Variants in HYDIN observed in about 807,000 individuals in gnomAD.
HYDIN encodes the protein HYDIN axonemal central pair apparatus protein.
In HYDIN, 132 loss-of-function variants were observed where a neutral mutation model predicts 403.9. The ratio of observed to expected loss-of-function variants is 0.33; its 90% confidence interval spans 0.28 to 0.38. HYDIN has a LOEUF of 0.38. Ranked by LOEUF, HYDIN falls within the 10% of genes least tolerant of loss-of-function variation. The pLI is 1.00. For missense variants in HYDIN, 2,827 were observed against 5,009.5 expected (o/e 0.56, Z 13.15); for synonymous variants, 1,202 against 1,891.7 (o/e 0.64, Z 9.46).
At position 70,863,094 on chromosome 16, in the gene HYDIN, C is replaced by G. The variant is rs1457706243; in HGVS notation, c.11560G>C (p.Asp3854His). ...TTGCCACTGAATTTACCTTGGTGAT[C>G]TGGTTTTGCAAAGCTGACTGCCTTT... ...TSKAVSFAKP[D>H]HQGSAQKDQL... The change falls in exon 68 of 86, where the codon GAT becomes CAT. Residue 3854 changes from aspartate to histidine, a missense_variant. Physicochemically the swap from Asp to His is moderately conservative, Grantham distance 81. Coordinates refer to ENST00000393567, the MANE Select transcript of HYDIN (RefSeq NM_001270974.2). 2 of 1,613,880 alleles carry G rather than the reference C, an allele frequency of 1.2e-6. No homozygotes were observed. The highest frequency in any genetic ancestry group is 2.7e-5 in the African/African-American group (2 of 74,930).
intron 23 of HYDIN, among the ~76,000 whole-genome samples, chr16:70,996,465 G>T (rs7205496): frequency 0.011 from 1,647 of 151,992 alleles, 21 homozygotes; most frequent in African/African-American, 0.038. Flanking sequence ...GGGTCAGAGG[G>T]CTTGGGTTTG....
At position 70,969,311 on chromosome 16, in the gene HYDIN, A is replaced by G. The variant is rs372602673; in HGVS notation, c.5619+1209T>C. Among the ~76,000 whole-genome samples, 8 of 152,058 alleles carry G rather than the reference A, an allele frequency of 5.3e-5. No homozygotes were observed. The South Asian group carries it at 1.5e-3, about 28-fold the overall frequency. Reference sequence around the variant, plus strand: ...CAGCAAATCCCAAAATCAATAAACCAAAGAAATTTATGCCAAGACACATTA... The same window carrying G: ...CAGCAAATCCCAAAATCAATAAACCGAAGAAATTTATGCCAAGACACATTA... On this transcript the variant is annotated intron_variant, in intron 36 of 85. Coordinates refer to ENST00000393567, the MANE Select transcript of HYDIN (RefSeq NM_001270974.2).
chr16:70,872,847 AC>A (rs2040221874), intron 64 of HYDIN, among the ~76,000 whole-genome samples: 2 of 150,692 alleles, frequency 1.3e-5, no homozygotes, highest in Admixed American at 1.3e-4. Flanking sequence ...TCCATCATCC[AC>A]CCACCCATCC....
intron 10 of HYDIN, among the ~76,000 whole-genome samples, chr16:71,104,311 T>C: frequency 6.7e-6 from 1 of 150,092 alleles, no homozygotes; most frequent in Non-Finnish European, 1.5e-5. Flanking sequence ...ATGTCCAAGT[T>C]AACTGATGCA....
chr16:71,022,499 GGTT>G (rs2080534700), intron 21 of HYDIN, among the ~76,000 whole-genome samples: 1 of 152,092 alleles, frequency 6.6e-6, no homozygotes, highest in African/African-American at 2.4e-5. Context: ...CTATAGACAG[GGTT>G]GTTACCATTA....
At chr16:70,886,535 A>T (rs556025132) in intron 58 of HYDIN, among the ~76,000 whole-genome samples, 1 of 152,266 alleles carries the variant, frequency 6.6e-6, no homozygotes, top group Non-Finnish European at 1.5e-5. Flanking sequence ...TTGATGTCCC[A>T]TGATTTTATC....
At chr16:71,016,137 A>G (rs1460683820) in intron 23 of HYDIN, among the ~76,000 whole-genome samples, 1 of 152,202 alleles carries the variant, frequency 6.6e-6, no homozygotes, top group Non-Finnish European at 1.5e-5. Flanking sequence ...TGACCACACC[A>G]AACTAAAAAG....
chr16:71,175,820 T>C (rs1398246669), intron 4 of HYDIN, 79 bp from the exon 5 acceptor site: 2 of 1,422,236 alleles, frequency 1.4e-6, no homozygotes, highest in Non-Finnish European at 2.0e-6. Context: ...CATCAACTAC[T>C]TACTAGACGT....
chr16:71,015,558 T>C (rs1415056566), intron 23 of HYDIN, among the ~76,000 whole-genome samples: 2 of 150,184 alleles, frequency 1.3e-5, no homozygotes, highest in East Asian at 3.9e-4. Flanking sequence ...ATCTACAGAA[T>C]TTCATTCCAA....
chr16:71,024,786 T>C (rs2080631618), intron 21 of HYDIN, among the ~76,000 whole-genome samples: 1 of 148,070 alleles, frequency 6.8e-6, no homozygotes. Flanking sequence ...ACATTTACTG[T>C]CTACCCTTAC....
chr16:71,067,040 C>T (rs1236193692), intron 15 of HYDIN: 21 of 642,018 alleles, frequency 3.3e-5, no homozygotes, highest in South Asian at 1.1e-4. Context: ...GGGTCTGACC[C>T]GTTTTTTCAC....
intron 75 of HYDIN, among the ~76,000 whole-genome samples, chr16:70,849,030 AG>A (rs1195024762): frequency 3.9e-5 from 6 of 151,990 alleles, no homozygotes; most frequent in African/African-American, 7.3e-5. Context: ...TATCCCTATG[AG>A]GGGGGGTTCC....
At chr16:71,120,644 T>C (rs1371392228) in intron 9 of HYDIN, among the ~76,000 whole-genome samples, 1 of 152,150 alleles carries the variant, frequency 6.6e-6, no homozygotes, top group Non-Finnish European at 1.5e-5. Flanking sequence ...CAAACATCTT[T>C]TTAAAAAATT....
At chr16:70,916,999 C>G (rs2076860751) in intron 47 of HYDIN, among the ~76,000 whole-genome samples, 1 of 152,152 alleles carries the variant, frequency 6.6e-6, no homozygotes, top group East Asian at 1.9e-4. Context: ...TCTCAACTCA[C>G]TATAACTCTG....
Position 70,829,473 on chromosome 16 carries a change from A to G in HYDIN, c.14112+145T>C. On this transcript the variant is annotated intron_variant, in intron 81 of 85. Coordinates refer to ENST00000393567, the MANE Select transcript of HYDIN (RefSeq NM_001270974.2). ...GGTCTTGAACTACTGACCTCAGGCGATCCACCCTCCTCAGCCTCCCAAAGT... is the reference window on the plus strand; with the variant it reads ...GGTCTTGAACTACTGACCTCAGGCGGTCCACCCTCCTCAGCCTCCCAAAGT... The G allele has an allele frequency of 6.0e-6, 4 of 669,426 alleles. No individual in the cohort carries two copies. The East Asian group carries it at 1.1e-4, about 18-fold the overall frequency. The allele number at this position is 669,426 out of a possible 1,614,324, so 41.5% of individuals were successfully genotyped here.
chr16:71,163,223 C>T (rs1167935496), intron 5 of HYDIN, among the ~76,000 whole-genome samples: 2 of 150,906 alleles, frequency 1.3e-5, no homozygotes, highest in Non-Finnish European at 3.0e-5. Context: ...CCCGGGTTCA[C>T]GCCATTCTCC....
At position 70,902,813 on chromosome 16, in the gene HYDIN, ATATATATATT is replaced by A. The variant is rs1407190514; in HGVS notation, c.8849+802_8849+811del. Among the ~76,000 whole-genome samples the A allele has an allele frequency of 8.8e-3, 258 of 29,308 alleles. 2 individuals are homozygous for A. The highest frequency in any genetic ancestry group is 0.021 in the Admixed American group (60 of 2,794). The allele number at this position is 29,308 out of a possible 152,430, so 19.2% of individuals were successfully genotyped here. ...TCTTTAAATATATATATATATATAT[ATATATATATT>A]TTTTTTTTTTTTTTTGTCCCACTCT... On this transcript the variant is annotated intron_variant, in intron 52 of 85. Transcript: ENST00000393567.
intron 30 of HYDIN, among the ~76,000 whole-genome samples, chr16:70,977,914 T>G (rs1216797921): frequency 6.6e-6 from 1 of 151,804 alleles, no homozygotes; most frequent in African/African-American, 2.4e-5. Flanking sequence ...AATCTGCCTT[T>G]TTTCCTGCTC....
chr16:70,871,917 G>C, intron 65 of HYDIN, 120 bp downstream of exon 65: 1 of 581,976 alleles, frequency 1.7e-6, no homozygotes, highest in South Asian at 2.0e-5. Flanking sequence ...TTCCTGGGCT[G>C]TCTCTCAGCT....
Sources: allele counts gnomAD v4.1 joint callset (sites outside exome capture counted in the v4.1 genomes callset), GRCh38; gene constraint gnomAD v4.1.1; transcripts MANE v1.5; gene names NCBI Gene and HGNC (gene_info 2026-07-23, HGNC 2026-07-21).